PRH2: variants seen among roughly 807,000 people sequenced by gnomAD.
PRH2 encodes salivary acidic proline-rich phosphoprotein 1/2.
A neutral mutation model predicts 22.6 loss-of-function variants in PRH2; 19 were observed. The ratio of observed to expected loss-of-function variants is 0.84; its 90% CI spans 0.59 to 1.23. The LOEUF (loss-of-function observed/expected upper bound fraction) is 1.23, where lower values mean the gene tolerates loss of function less well. Ranked by LOEUF, PRH2 falls within the 50% of genes most tolerant of loss-of-function variation. The probability of loss-of-function intolerance (pLI) is 0.00; values close to 1 mark genes in which losing one functional copy is unlikely to be tolerated. For missense variants in PRH2, 109 were observed against 203.0 expected (o/e 0.54, Z 2.81); for synonymous variants, 45 against 72.0 (o/e 0.63, Z 1.90).
Position 10,930,209 on chromosome 12 carries a change from C to T in PRH2, c.65-60C>T. The T allele has an allele frequency of 1.9e-6, 3 of 1,568,416 alleles. No homozygotes were observed. The South Asian group carries it at 3.3e-5, about 17-fold the overall frequency. On this transcript the variant is annotated intron_variant, in intron 1 of 3. Coordinates refer to ENST00000396400, the MANE Select transcript of PRH2 (RefSeq NM_001110213.1). ...AGAGGTCCTTTATCCTCGTAGAACA[C>T]TATGAGCTCTGAATGATTCATGCAG...
chr12:10,932,729 T>A lies in PRH2; in HGVS notation c.*522T>A, dbSNP rs1950231938. Among the ~76,000 whole-genome samples the A allele has an allele frequency of 6.6e-6, 1 of 152,116 alleles. No homozygotes were observed. The highest frequency in any genetic ancestry group is 6.5e-5 in the Admixed American group (1 of 15,286). The stretch of plus-strand genomic sequence containing the variant: ...CTATTTTCCCCTATTTTATCACTGA[T>A]CAGTTCTGTCCCTGCCTATGATTCT... On this transcript the variant is annotated 3_prime_UTR_variant, in exon 4 of 4. Coordinates refer to ENST00000396400, the MANE Select transcript of PRH2 (RefSeq NM_001110213.1).
Position 10,932,564 on chromosome 12 carries a change from TATGAATGTAAGCAA to T in PRH2, c.*359_*372del. 6.6e-6 allele frequency among the ~76,000 whole-genome samples: 1 copy of T among 152,184 alleles called. No individual in the cohort carries two copies. The highest frequency in any genetic ancestry group is 1.5e-5 in the Non-Finnish European group (1 of 68,030). ...TCATTTCCTGATAGTCTAGTCAGCT[TATGAATGTAAGCAA>T]AACAGGACCAATGAAAGAAAGTCCC... On this transcript the variant is annotated 3_prime_UTR_variant, in exon 4 of 4. Transcript: ENST00000396400.
chr12:10,931,105 C>G (rs1191653494), intron 3 of PRH2, 25 bp downstream of exon 3: 10 of 1,572,202 alleles, frequency 6.4e-6, no homozygotes, highest in Middle Eastern at 2.2e-4. Context: ...TATTATCCAT[C>G]AAAGGCTCCA....
intron 1 of PRH2, among the ~76,000 whole-genome samples, chr12:10,929,776 C>T (rs1950176437): frequency 6.6e-6 from 1 of 152,124 alleles, no homozygotes; most frequent in Non-Finnish European, 1.5e-5. Flanking sequence ...TAAACACTTG[C>T]CTCTGTCTAC....
intron 3 of PRH2, 141 bp downstream of exon 3, chr12:10,931,221 G>C (rs1254443134): frequency 6.7e-7 from 1 of 1,492,756 alleles, no homozygotes; most frequent in African/African-American, 1.4e-5. Flanking sequence ...CAAATATTCT[G>C]GGATAAGGTA....
At chr12:10,932,052 C>T (rs753979335) in intron 3 of PRH2, among the ~76,000 whole-genome samples, 174 bp from the exon 4 acceptor site, 4 of 152,122 alleles carry the variant, frequency 2.6e-5, no homozygotes, top group East Asian at 1.9e-4. Context: ...AAGCACATTA[C>T]GTGCAATGGC....
rs1950246463 is a variant in PRH2 at position 10,933,753 on chromosome 12, G to T, written c.*1546G>T. Among the ~76,000 whole-genome samples the T allele has an allele frequency of 6.6e-6, 1 of 152,046 alleles. No homozygotes were observed. The highest frequency in any genetic ancestry group is 1.5e-5 in the Non-Finnish European group (1 of 67,974). On this transcript the variant is annotated 3_prime_UTR_variant, in exon 4 of 4. Transcript: ENST00000396400. ...CTCAAAGTAGCTGCTAACCTTATGT[G>T]TATCTGCAACACCCTGAAAAATTAT...
At chr12:10,930,518 T>C in intron 2 of PRH2, 144 bp from the exon 3 acceptor site, 1 of 1,488,184 alleles carries the variant, frequency 6.7e-7, no homozygotes, top group South Asian at 1.4e-5. Context: ...GAGTTCTAAT[T>C]AGGAAGCCTT....
intron 1 of PRH2, 26 bp from the exon 2 acceptor site, chr12:10,930,243 C>T (rs1950184266): frequency 6.2e-7 from 1 of 1,611,188 alleles, no homozygotes; most frequent in African/African-American, 1.3e-5. Flanking sequence ...AGTAACTTTT[C>T]CCATCATCCT....
intron 1 of PRH2, 54 bp downstream of exon 1, chr12:10,929,391 T>A: frequency 6.2e-7 from 1 of 1,606,964 alleles, no homozygotes; most frequent in Non-Finnish European, 8.5e-7. Context: ...TACGGGCGAA[T>A]GCTATAGAGG....
Position 10,933,559 on chromosome 12 carries a change from G to A in PRH2, c.*1352G>A, listed in dbSNP as rs558198975. ...CAGACTTGATTCCAGGAATGTTAAGGAATGTTCATTATTTGTTTTGGATAA... is the reference window on the plus strand; with the variant it reads ...CAGACTTGATTCCAGGAATGTTAAGAAATGTTCATTATTTGTTTTGGATAA... On this transcript the variant is annotated 3_prime_UTR_variant, in exon 4 of 4. Transcript: ENST00000396400. 3.6e-4 allele frequency among the ~76,000 whole-genome samples: 54 copies of A among 151,958 alleles called. 1 individual carries two copies. The highest frequency in any genetic ancestry group is 1.3e-3 in the African/African-American group (53 of 41,482).
chr12:10,930,709 C>A lies in PRH2; in HGVS notation c.148C>A (p.Pro50Thr). Reference sequence around the variant, plus strand: ...CATAGATGAGGAGCGTCAGGGACCACCTTTGGGAGGACAGCAATCTCAACC... The same window carrying A: ...CATAGATGAGGAGCGTCAGGGACCAACTTTGGGAGGACAGCAATCTCAACC... ...QFIDEERQGP[P>T]LGGQQSQPSA... The change falls in exon 3 of 4, where the codon CCT (proline) becomes ACT (threonine). Residue 50 changes from proline (P) to threonine (T), a missense_variant. Around this residue, in one of 4 missense-constraint regions of PRH2, gnomAD observed 54 missense variants for 60.5 expected, o/e 0.89. Transcript: ENST00000396400. 1 of 1,613,834 alleles carries A rather than the reference C, an allele frequency of 6.2e-7. No homozygotes were observed. Among genetic ancestry groups the A allele is most frequent in the Admixed American group, 1.7e-5 (1 of 60,010 alleles).
intron 2 of PRH2, 114 bp downstream of exon 2, chr12:10,930,418 C>A: frequency 6.7e-7 from 1 of 1,489,140 alleles, no homozygotes; most frequent in Non-Finnish European, 9.3e-7. Flanking sequence ...ATCAGTGCCC[C>A]AGAGATATAA....
intron 1 of PRH2, among the ~76,000 whole-genome samples, 156 bp downstream of exon 1, chr12:10,929,493 C>T (rs1950171874): frequency 2.0e-5 from 3 of 152,134 alleles, no homozygotes; most frequent in African/African-American, 7.2e-5. Flanking sequence ...TGCCTTCATT[C>T]CTCATCAAGA....
rs1400762312 is a variant in PRH2, at chr12:10,934,329, T to C, written c.*2122T>C. ...AGCTCCTCTATAAACCATCTCACCA[T>C]TATTACCGAAATCAGACAAATTCTG... On this transcript the variant is annotated 3_prime_UTR_variant, in exon 4 of 4. Transcript: ENST00000396400. 6.6e-6 allele frequency among the ~76,000 whole-genome samples: 1 copy of C among 152,158 alleles called. No homozygotes were observed. Among genetic ancestry groups the C allele is most frequent in the East Asian group, 1.9e-4 (1 of 5,196 alleles).
In PRH2 at chr12:10,929,604, G is replaced by A. The variant is rs189679877; in HGVS notation, c.64+267G>A. On this transcript the variant is annotated intron_variant, in intron 1 of 3. Coordinates refer to ENST00000396400, the MANE Select transcript of PRH2 (RefSeq NM_001110213.1). Reference sequence around the variant, plus strand: ...ATTTATAGAGACATGGGACTGCTGGGAAGGATATGGAGAATGCAAGACAGA... The same window carrying A: ...ATTTATAGAGACATGGGACTGCTGGAAAGGATATGGAGAATGCAAGACAGA... Among the ~76,000 whole-genome samples, 433 of 152,308 alleles carry A rather than the reference G, an allele frequency of 2.8e-3. 3 individuals are homozygous for A. The highest frequency in any genetic ancestry group is 5.0e-3 in the Admixed American group (77 of 15,302).
intron 1 of PRH2, among the ~76,000 whole-genome samples, chr12:10,929,684 TG>T (rs1405976602): frequency 6.6e-5 from 10 of 152,156 alleles, no homozygotes; most frequent in Middle Eastern, 3.2e-3. Context: ...ACAGGGATGA[TG>T]GTGGCCTTGC....
Position 10,930,718 on chromosome 12 carries a change from G to A in PRH2, c.157G>A (p.Gly53Arg). The change falls in exon 3 of 4, where the codon GGA (glycine) becomes AGA (arginine). Residue 53 changes from glycine to arginine, a missense_variant. Physicochemically the swap from Gly to Arg is moderately radical, Grantham distance 125 (BLOSUM62 -2). This residue lies in a region of PRH2 where 54 missense variants were observed against 60.5 expected (regional missense o/e 0.89). Coordinates refer to ENST00000396400, the MANE Select transcript of PRH2 (RefSeq NM_001110213.1). ...GGAGCGTCAGGGACCACCTTTGGGAGGACAGCAATCTCAACCCTCTGCTGG... is the reference window on the plus strand; with the variant it reads ...GGAGCGTCAGGGACCACCTTTGGGAAGACAGCAATCTCAACCCTCTGCTGG... ...DEERQGPPLG[G>R]QQSQPSAGDG... 5 of 1,613,820 alleles carry A rather than the reference G, an allele frequency of 3.1e-6. No individual in the cohort carries two copies. Among genetic ancestry groups the A allele is most frequent in the Non-Finnish European group, 4.2e-6 (5 of 1,179,826 alleles).
intron 2 of PRH2, 142 bp from the exon 3 acceptor site, chr12:10,930,520 G>A: frequency 2.7e-6 from 4 of 1,489,228 alleles, no homozygotes; most frequent in Non-Finnish European, 3.6e-6. Flanking sequence ...GTTCTAATTA[G>A]GAAGCCTTGG....
Sources: gnomAD v4.1 joint callset for allele counts (sites outside exome capture counted in the v4.1 genomes callset) on GRCh38, gnomAD v4.1.1 for gene constraint, gnomAD v4.1.1 regional missense constraint, MANE v1.5 for transcripts, NCBI Gene and HGNC (gene_info 2026-07-23, HGNC 2026-07-21) for gene names.